Variants in RETREG1 observed in about 807,000 individuals in gnomAD.
The protein encoded by RETREG1 is reticulophagy regulator 1.
RETREG1 carries 44 observed loss-of-function variants against 54.8 expected under a neutral mutation model. That is an observed-to-expected ratio of 0.80 (90% CI 0.63 to 1.03). RETREG1 has a LOEUF of 1.03. Ranked by LOEUF, RETREG1 falls within the 50% of genes least tolerant of loss-of-function variation. The pLI is 0.00. For synonymous variants in RETREG1, 217 were observed against 238.5 expected, an observed-to-expected ratio of 0.91 and a Z score of 0.83; for missense variants, 554 against 605.1, an observed-to-expected ratio of 0.92 and a Z score of 0.89.
chr5:16,536,169 G>A (rs1323684919), intron 3 of RETREG1, among the ~76,000 whole-genome samples: 1 of 152,174 alleles, frequency 6.6e-6, no homozygotes, highest in Non-Finnish European at 1.5e-5. Flanking sequence ...ACCCCAAGAA[G>A]GAAGAGATAA....
chr5:16,581,587 GGCCCT>G (rs1742484874), intron 1 of RETREG1, among the ~76,000 whole-genome samples: 1 of 149,716 alleles, frequency 6.7e-6, no homozygotes, highest in Non-Finnish European at 1.5e-5. Context: ...CAGGACCACT[GGCCCT>G]TGTCTTTATC....
In RETREG1 at chr5:16,597,160, G is replaced by A. The variant is rs912906423; in HGVS notation, c.320+19492C>T. On this transcript the variant is annotated intron_variant, in intron 1 of 8. Transcript: ENST00000306320. The surrounding 1 kb of genome is among the most constrained non-coding windows in gnomAD (Gnocchi z 4.3). ...TAAACTACAATTAGGCCACCCAGGTGTAAAACAGTTGCAACCACACAAGTG... is the reference window on the plus strand; with the variant it reads ...TAAACTACAATTAGGCCACCCAGGTATAAAACAGTTGCAACCACACAAGTG... Among the ~76,000 whole-genome samples the A allele has an allele frequency of 2.0e-5, 3 of 152,226 alleles. No individual in the cohort carries two copies. Among genetic ancestry groups the A allele is most frequent in the Non-Finnish European group, 4.4e-5 (3 of 68,032 alleles).
intron 3 of RETREG1, among the ~76,000 whole-genome samples, chr5:16,488,583 T>C (rs1418851837): frequency 2.6e-5 from 4 of 152,004 alleles, no homozygotes; most frequent in African/African-American, 9.7e-5. Context: ...GGCACAGGCG[T>C]GTGAGGAGCC....
chr5:16,479,338 C>T (rs1738673627), intron 5 of RETREG1, among the ~76,000 whole-genome samples: 1 of 152,112 alleles, frequency 6.6e-6, no homozygotes, highest in African/African-American at 2.4e-5. Context: ...CAACTCCCTC[C>T]TTTCAATCCT....
intron 3 of RETREG1, among the ~76,000 whole-genome samples, chr5:16,527,783 A>G (rs931665703): frequency 7.2e-6 from 1 of 138,552 alleles, no homozygotes; most frequent in African/African-American, 2.6e-5. Flanking sequence ...AGCTTAGTAC[A>G]ATTTCGAGGG....
chr5:16,543,101 T>A (rs1425480801), intron 3 of RETREG1, among the ~76,000 whole-genome samples: 3 of 152,230 alleles, frequency 2.0e-5, no homozygotes, highest in South Asian at 2.1e-4. Flanking sequence ...TACTCTTTTT[T>A]ATCTGGCTTC....
At chr5:16,501,406 G>A (rs888890421) in intron 3 of RETREG1, among the ~76,000 whole-genome samples, 9 of 152,156 alleles carry the variant, frequency 5.9e-5, no homozygotes, top group Non-Finnish European at 2.9e-5. Flanking sequence ...ATCGTTCAGT[G>A]TTTACACTTT....
rs960600323 is a variant in RETREG1 at position 16,573,008 on chromosome 5, C to G, written c.321-906G>C. On this transcript the variant is annotated intron_variant, in intron 1 of 8. Coordinates refer to ENST00000306320, the MANE Select transcript of RETREG1 (RefSeq NM_001034850.3). ...GACCATCCTGGCCAACATGGTGAAA[C>G]CCCGTCTCTACTAAAAATACAAAAG... Among the ~76,000 whole-genome samples, 3 of 151,932 alleles carry G rather than the reference C, an allele frequency of 2.0e-5. No homozygotes were observed. The South Asian group carries it at 6.2e-4, about 32-fold the overall frequency.
At position 16,496,036 on chromosome 5, in the gene RETREG1, A is replaced by T. The variant is rs114867462; in HGVS notation, c.459-12564T>A. Reference sequence around the variant, plus strand: ...TTATTTATTTAAAAAAGGAGCAAGGATTTAATGACAGAAGTCAAACCCAAG... The same window carrying T: ...TTATTTATTTAAAAAAGGAGCAAGGTTTTAATGACAGAAGTCAAACCCAAG... On this transcript the variant is annotated intron_variant, in intron 3 of 8. Transcript: ENST00000306320. Among the ~76,000 whole-genome samples the T allele has an allele frequency of 3.6e-3, 551 of 152,272 alleles. 6 individuals carry two copies. The highest frequency in any genetic ancestry group is 0.012 in the African/African-American group (507 of 41,552).
intron 3 of RETREG1, among the ~76,000 whole-genome samples, chr5:16,543,294 C>A (rs6882868): frequency 0.29 from 44,021 of 151,978 alleles, 6,709 homozygotes; most frequent in East Asian, 0.4. Flanking sequence ...CATTTACATG[C>A]GGACCTGTTT....
At chr5:16,501,300 T>C (rs1342694693) in intron 3 of RETREG1, among the ~76,000 whole-genome samples, 1 of 152,184 alleles carries the variant, frequency 6.6e-6, no homozygotes, top group Non-Finnish European at 1.5e-5. Context: ...TAGTACCTGG[T>C]TAAGGCTGGG....
At chr5:16,538,251 A>C (rs1741132630) in intron 3 of RETREG1, among the ~76,000 whole-genome samples, 1 of 152,150 alleles carries the variant, frequency 6.6e-6, no homozygotes, top group South Asian at 2.1e-4. Flanking sequence ...AAAAATGAAG[A>C]GCTGGCTTTG....
Position 16,475,141 on chromosome 5 carries a change from AATTCAT to A in RETREG1, c.1088_1093del (p.Asp363_Leu365delinsVal). The A allele has an allele frequency of 6.2e-7, 1 of 1,613,924 alleles. No homozygotes were observed. The highest frequency in any genetic ancestry group is 8.5e-7 in the Non-Finnish European group (1 of 1,179,910). ...GAGCTCAGTGGGCAAACCAAGGCTT[AATTCAT>A]CTTCATCATTTGTTCCCATGCCATT... is the stretch of plus-strand genomic sequence containing the variant. On this transcript the variant is annotated inframe_deletion, in exon 9 of 9. Coordinates refer to ENST00000306320, the MANE Select transcript of RETREG1 (RefSeq NM_001034850.3).
chr5:16,517,801 G>A (rs1374311107), intron 3 of RETREG1, among the ~76,000 whole-genome samples: 9 of 152,004 alleles, frequency 5.9e-5, no homozygotes, highest in African/African-American at 2.2e-4. Context: ...ACATATTATG[G>A]ACTTCACAAA....
rs928050560 is a variant in RETREG1 at position 16,616,951 on chromosome 5, C to T, written c.21G>A (p.Pro7=). The T allele has an allele frequency of 6.9e-6, 10 of 1,444,378 alleles. No homozygotes were observed. In the African/African-American group the frequency reaches 1.2e-4, roughly 17 times the overall value. 89.5% of individuals were successfully genotyped at this position (1,444,378 alleles called of 1,614,324 possible). ...CCGGGCATCCCTCCTCGGCGTGCTC[C>T]GGAGGCGCCGGGCTCGCCATCTTCA... MASPAP[P]EHAEEGCPAP... The change falls in exon 1 of 9, where the codon CCG becomes CCA. Residue 7 remains proline (P), a synonymous_variant. Transcript: ENST00000306320.
chr5:16,608,176 G>A (rs893868272), intron 1 of RETREG1, among the ~76,000 whole-genome samples: 7 of 152,120 alleles, frequency 4.6e-5, no homozygotes, highest in East Asian at 1.9e-4. Flanking sequence ...CACCGTGCCC[G>A]GCCCACTCTC....
intron 3 of RETREG1, among the ~76,000 whole-genome samples, chr5:16,493,250 C>T (rs1739323947): frequency 6.6e-6 from 1 of 152,170 alleles, no homozygotes. Flanking sequence ...CTCAACTACC[C>T]ATCATAGTAT....
At chr5:16,534,551 A>G (rs925124298) in intron 3 of RETREG1, among the ~76,000 whole-genome samples, 15 of 152,212 alleles carry the variant, frequency 9.9e-5, no homozygotes, top group Non-Finnish European at 1.9e-4. Flanking sequence ...TTCAGCTGAC[A>G]TTATCAAGGC....
intron 3 of RETREG1, among the ~76,000 whole-genome samples, chr5:16,519,511 AT>A (rs1740462912): frequency 6.6e-6 from 1 of 152,192 alleles, no homozygotes; most frequent in Non-Finnish European, 1.5e-5. Flanking sequence ...TCTCATAATA[AT>A]TAGATCAGAC....
Sources: gnomAD v4.1 joint callset for allele counts (sites outside exome capture counted in the v4.1 genomes callset) on GRCh38, gnomAD v4.1.1 for gene constraint, Gnocchi (gnomAD v3.1) non-coding constraint, MANE v1.5 for transcripts, NCBI Gene and HGNC (gene_info 2026-07-23, HGNC 2026-07-21) for gene names.